WWC2: variants seen among roughly 807,000 people sequenced by gnomAD.
The protein encoded by WWC2 is protein WWC2.
A neutral mutation model predicts 138.5 loss-of-function variants in WWC2; 101 were observed. The ratio of observed to expected loss-of-function variants is 0.73; its 90% CI spans 0.62 to 0.86. WWC2 has a LOEUF of 0.86. WWC2 is among the 40% of genes least tolerant of loss of function. The pLI is 0.00. For synonymous variants in WWC2, 558 were observed against 538.4 expected (o/e 1.04, Z -0.50); for missense variants, 1,420 against 1,419.4 (o/e 1.00, Z -0.01).
chr4:183,214,701 A>G (rs906360703), intron 4 of WWC2, among the ~76,000 whole-genome samples: 2 of 151,974 alleles, frequency 1.3e-5, no homozygotes, highest in Non-Finnish European at 2.9e-5. Flanking sequence ...CTGAGGCAGG[A>G]GAATCTCTTG....
intron 1 of WWC2, among the ~76,000 whole-genome samples, chr4:183,176,786 C>T (rs1462719987): frequency 6.6e-6 from 1 of 152,076 alleles, no homozygotes; most frequent in African/African-American, 2.4e-5. Flanking sequence ...CCTCTCCTTA[C>T]TCTCACAGGG....
At chr4:183,228,153 G>A (rs866316994) in intron 4 of WWC2, among the ~76,000 whole-genome samples, 1 of 151,954 alleles carries the variant, frequency 6.6e-6, no homozygotes, top group Non-Finnish European at 1.5e-5. Flanking sequence ...ACAGAAAAAC[G>A]CTGGTATACA....
intron 21 of WWC2, among the ~76,000 whole-genome samples, chr4:183,293,650 A>T (rs1408572677): frequency 6.6e-6 from 1 of 152,238 alleles, no homozygotes; most frequent in African/African-American, 2.4e-5. Context: ...AAGACTGGAA[A>T]GAAATAAAGC....
At chr4:183,211,092 C>A (rs983440937) in intron 4 of WWC2, among the ~76,000 whole-genome samples, 29 of 152,154 alleles carry the variant, frequency 1.9e-4, no homozygotes, top group Admixed American at 1.8e-3. Flanking sequence ...TTTATGATTT[C>A]TCATATGAGT....
chr4:183,128,325 C>T (rs532135361), intron 1 of WWC2, among the ~76,000 whole-genome samples: 10 of 151,720 alleles, frequency 6.6e-5, no homozygotes, highest in Middle Eastern at 3.4e-3. Context: ...GGCGACAGAG[C>T]GAGACTGTCT....
chr4:183,178,377 C>CAAATGAAT (rs71589532), intron 1 of WWC2, among the ~76,000 whole-genome samples: 7 of 134,566 alleles, frequency 5.2e-5, no homozygotes, highest in Non-Finnish European at 7.8e-5. Context: ...CCTGTTTCTA[C>CAAATGAAT]AAATAAATAA....
rs150253907 is a variant in WWC2 at position 183,112,348 on chromosome 4, C to G, written c.131+12726C>G. 2.8e-3 allele frequency among the ~76,000 whole-genome samples: 434 copies of G among 152,302 alleles called. 2 individuals carry two copies. Among genetic ancestry groups the G allele is most frequent in the African/African-American group, 0.01 (417 of 41,556 alleles). ...TTCTAAGTTATTTGAGAATAGAGAC[C>G]TGCTTTGTGTGTGCCCCTTCATGCT... On this transcript the variant is annotated intron_variant, in intron 1 of 22. Transcript: ENST00000403733.
chr4:183,142,865 A>G (rs566687885), intron 1 of WWC2, among the ~76,000 whole-genome samples: 1 of 152,344 alleles, frequency 6.6e-6, no homozygotes, highest in South Asian at 2.1e-4. Context: ...AGCAAAACAC[A>G]AATGTTCAAC....
chr4:183,139,191 G>T (rs1395193234), intron 1 of WWC2, among the ~76,000 whole-genome samples: 1 of 152,188 alleles, frequency 6.6e-6, no homozygotes, highest in Non-Finnish European at 1.5e-5. Flanking sequence ...TCAGTTGGGA[G>T]TCAGGAGCTA....
At position 183,316,069 on chromosome 4, in the gene WWC2, A is replaced by C. The variant is rs1739428962; in HGVS notation, c.*340A>C. 1 of 202,990 alleles carries C rather than the reference A, an allele frequency of 4.9e-6. No individual in the cohort carries two copies. Among genetic ancestry groups the C allele is most frequent in the Admixed American group, 5.4e-5 (1 of 18,448 alleles). The allele number at this position is 202,990 out of a possible 1,614,324, so 12.6% of individuals were successfully genotyped here. The stretch of plus-strand genomic sequence containing the variant: ...GTGTACTGTTGAGCCGGCTGTTGAG[A>C]AACAACTTGGTTCAGCCGGTGGTTT... On this transcript the variant is annotated 3_prime_UTR_variant, in exon 23 of 23. Coordinates refer to ENST00000403733, the MANE Select transcript of WWC2 (RefSeq NM_024949.6).
chr4:183,241,742 T>G (rs758655421), intron 5 of WWC2, among the ~76,000 whole-genome samples: 12 of 152,106 alleles, frequency 7.9e-5, no homozygotes, highest in Non-Finnish European at 1.3e-4. Context: ...AATGCATTAT[T>G]TAGTAATTGT....
chr4:183,181,217 G>A (rs1396444955), intron 1 of WWC2, among the ~76,000 whole-genome samples: 2 of 152,192 alleles, frequency 1.3e-5, no homozygotes, highest in East Asian at 1.9e-4. Context: ...AATCATCTCT[G>A]TGTGAGCATT....
At chr4:183,241,216 A>C (rs1449729764) in intron 5 of WWC2, among the ~76,000 whole-genome samples, 1 of 152,192 alleles carries the variant, frequency 6.6e-6, no homozygotes. Flanking sequence ...GTAGCACCTC[A>C]GGAATGCCAA....
intron 1 of WWC2, among the ~76,000 whole-genome samples, chr4:183,115,144 G>A (rs1311803048): frequency 6.6e-6 from 1 of 152,134 alleles, no homozygotes; most frequent in Admixed American, 6.5e-5. Context: ...CTATTCCTGT[G>A]TTAATTTGCT....
At chr4:183,123,402 GGTGTGTGTGTGT>G (rs67158904) in intron 1 of WWC2, among the ~76,000 whole-genome samples, 3 of 147,716 alleles carry the variant, frequency 2.0e-5, no homozygotes, top group South Asian at 2.2e-4. Context: ...GCAAGTTTCA[GGTGTGTGTGTGT>G]GTGTGTGTGT....
intron 2 of WWC2, among the ~76,000 whole-genome samples, chr4:183,205,441 T>G (rs925375058): frequency 6.6e-6 from 1 of 152,200 alleles, no homozygotes; most frequent in African/African-American, 2.4e-5. Context: ...TATTCCATCC[T>G]TTCTACATTT....
chr4:183,264,536 G>A (rs902876104), intron 11 of WWC2, among the ~76,000 whole-genome samples: 1 of 152,166 alleles, frequency 6.6e-6, no homozygotes, highest in Non-Finnish European at 1.5e-5. Context: ...TGTAGGATAT[G>A]GCATGTGGAG....
intron 1 of WWC2, among the ~76,000 whole-genome samples, chr4:183,103,395 G>A (rs1017439912): frequency 2.0e-5 from 3 of 148,856 alleles, no homozygotes; most frequent in Non-Finnish European, 4.4e-5. Context: ...GAGCAATGAC[G>A]TGATCTCGGC....
At chr4:183,289,251 A>G in intron 20 of WWC2, 142 bp from the exon 21 acceptor site, 1 of 1,263,556 alleles carries the variant, frequency 7.9e-7, no homozygotes, top group Non-Finnish European at 1.1e-6. Context: ...GCCATGGGCC[A>G]GAGCGAGTTG....
Sources: allele counts gnomAD v4.1 joint callset (sites outside exome capture counted in the v4.1 genomes callset), GRCh38; gene constraint gnomAD v4.1.1; transcripts MANE v1.5; gene names NCBI Gene and HGNC (gene_info 2026-07-23, HGNC 2026-07-21).